The following TANGO6 variants were observed in gnomAD, a reference collection of about 807,000 sequenced individuals.
The protein encoded by TANGO6 is transport and Golgi organization protein 6 homolog.
In TANGO6, 90 loss-of-function variants were observed where a neutral mutation model predicts 114.2. That is an observed-to-expected ratio of 0.79 (90% CI 0.66 to 0.94). The LOEUF is 0.94. Among genes scored for constraint, TANGO6 ranks in the 40% least tolerant of loss-of-function variants. The pLI, the probability that TANGO6 is intolerant of heterozygous loss-of-function variation, is 0.00. For missense variants in TANGO6, 1,274 were observed against 1,315.3 expected, an observed-to-expected ratio of 0.97 and a Z score of 0.49; for synonymous variants, 477 against 509.8, an observed-to-expected ratio of 0.94 and a Z score of 0.87.
chr16:68,983,754 CCGGGCG>C (rs776847626), intron 15 of TANGO6, among the ~76,000 whole-genome samples: 1 of 152,152 alleles, frequency 6.6e-6, no homozygotes, highest in Non-Finnish European at 1.5e-5. Flanking sequence ...TTTTGTAGGG[CCGGGCG>C]CGGTGGCTCA....
intron 16 of TANGO6, among the ~76,000 whole-genome samples, chr16:69,038,323 A>G (rs1284282784): frequency 1.3e-5 from 2 of 152,076 alleles, no homozygotes; most frequent in African/African-American, 2.4e-5. Flanking sequence ...CTACCCACTC[A>G]GGAGACTGAG....
chr16:68,948,211 G>A (rs2152204392), intron 14 of TANGO6: 1 of 152,230 alleles, frequency 6.6e-6, no homozygotes, highest in Non-Finnish European at 1.5e-5. Context: ...GTACTTACAT[G>A]TAAGTAAAAG....
intron 17 of TANGO6, among the ~76,000 whole-genome samples, chr16:69,063,250 G>A (rs2152240776): frequency 6.6e-6 from 1 of 151,374 alleles, no homozygotes; most frequent in East Asian, 1.9e-4. Context: ...CTGGGGCCGG[G>A]CGCGGTGGCT....
In TANGO6 at chr16:68,875,050, A is replaced by G; in HGVS notation, c.995-104A>G. ...GAAAAAAATAAACTATTTTCAATAG[A>G]AAAGATAAATGCATTTTACCTTAAA... On this transcript the variant is annotated intron_variant, in intron 4 of 17. Transcript: ENST00000261778. The G allele has an allele frequency of 8.7e-6, 11 of 1,263,240 alleles. No homozygotes were observed. The South Asian group carries it at 2.1e-4, about 24-fold the overall frequency. 78.3% of individuals were successfully genotyped at this position (1,263,240 alleles called of 1,614,324 possible). A position where few individuals can be genotyped will look rare whatever the true frequency, so the allele number is the denominator to read the frequency against.
intron 7 of TANGO6, among the ~76,000 whole-genome samples, chr16:68,894,470 TAGG>T (rs1225935135): frequency 3.3e-5 from 5 of 151,902 alleles, no homozygotes; most frequent in Non-Finnish European, 7.4e-5. Flanking sequence ...GCTGTATAAG[TAGG>T]AGGAAGGGGA....
chr16:69,081,952 C>A (rs1425118881), intron 17 of TANGO6, among the ~76,000 whole-genome samples: 1 of 150,706 alleles, frequency 6.6e-6, no homozygotes, highest in Non-Finnish European at 1.5e-5. Context: ...TCCAGCCTCG[C>A]CCTCTGAGTA....
rs989305528 is a variant in TANGO6 at position 68,987,316 on chromosome 16, G to A, written c.2842+13148G>A. 2.0e-5 allele frequency among the ~76,000 whole-genome samples: 3 copies of A among 152,098 alleles called. No homozygotes were observed. In the South Asian group the frequency reaches 6.2e-4, roughly 32 times the overall value. On this transcript the variant is annotated intron_variant, in intron 15 of 17. Transcript: ENST00000261778. Reference sequence around the variant, plus strand: ...TGATATTCACCAAAGTGGAATTACTGGGTCATAGGCTATTTAAATTTTAAA... The same window carrying A: ...TGATATTCACCAAAGTGGAATTACTAGGTCATAGGCTATTTAAATTTTAAA...
At chr16:68,988,419 T>A (rs1384787351) in intron 15 of TANGO6, among the ~76,000 whole-genome samples, 2 of 152,228 alleles carry the variant, frequency 1.3e-5, no homozygotes, top group African/African-American at 2.4e-5. Context: ...CTAACAGATC[T>A]CTCAAGTTTG....
chr16:68,980,427 ATATATATAT>A (rs1483557703), intron 15 of TANGO6, among the ~76,000 whole-genome samples: 3 of 54,646 alleles, frequency 5.5e-5, no homozygotes, highest in African/African-American at 1.6e-4. Flanking sequence ...ATATATATAT[ATATATATAT>A]TTTTTTTTTT....
chr16:68,846,450 G>C (rs1332272285), intron 1 of TANGO6: 2 of 288,248 alleles, frequency 6.9e-6, no homozygotes, highest in Non-Finnish European at 1.3e-5. Flanking sequence ...AAAGGGAGGA[G>C]AGTTCAATCA....
rs565660238 is a variant in TANGO6 at position 68,977,764 on chromosome 16, C to G, written c.2842+3596C>G. Among the ~76,000 whole-genome samples, 76 of 151,604 alleles carry G rather than the reference C, an allele frequency of 5.0e-4. 3 individuals carry two copies. In the South Asian group the frequency reaches 0.016, roughly 31 times the overall value. On this transcript the variant is annotated intron_variant, in intron 15 of 17. Coordinates refer to ENST00000261778, the MANE Select transcript of TANGO6 (RefSeq NM_024562.2). The stretch of plus-strand genomic sequence containing the variant: ...CCAGTGGTGCCATCTTAGCTCACTG[C>G]AGCCTCTGCCTCCTGGGTTCAAGCG...
chr16:69,043,631 G>A (rs1427191938), intron 17 of TANGO6, among the ~76,000 whole-genome samples: 1 of 152,186 alleles, frequency 6.6e-6, no homozygotes, highest in East Asian at 1.9e-4. Flanking sequence ...GACCAGGTGT[G>A]TTAAATCTTG....
chr16:68,894,207 A>G (rs1258765976), intron 7 of TANGO6, among the ~76,000 whole-genome samples: 1 of 152,206 alleles, frequency 6.6e-6, no homozygotes, highest in East Asian at 1.9e-4. Flanking sequence ...ATTTCCCTGA[A>G]TAGGTTACCA....
intron 1 of TANGO6, among the ~76,000 whole-genome samples, chr16:68,848,497 G>T (rs894265133): frequency 2.7e-5 from 4 of 150,854 alleles, no homozygotes; most frequent in Non-Finnish European, 5.9e-5. Context: ...ATAACTTCTA[G>T]TGCAGAGACA....
chr16:69,029,463 A>G (rs1160817288), intron 16 of TANGO6, among the ~76,000 whole-genome samples: 1 of 152,226 alleles, frequency 6.6e-6, no homozygotes, highest in Non-Finnish European at 1.5e-5. Context: ...CCGGACACCT[A>G]AGACATATCA....
intron 13 of TANGO6, among the ~76,000 whole-genome samples, chr16:68,928,544 C>T (rs531508402): frequency 6.6e-6 from 1 of 152,154 alleles, no homozygotes; most frequent in Admixed American, 6.5e-5. Context: ...TCGTGATCCA[C>T]CTGCCTCGGC....
intron 17 of TANGO6, among the ~76,000 whole-genome samples, chr16:69,055,431 T>G (rs1960018459): frequency 6.6e-6 from 1 of 152,220 alleles, no homozygotes; most frequent in Non-Finnish European, 1.5e-5. Context: ...TAACCACTGA[T>G]GGTGGCCCAG....
intron 1 of TANGO6, among the ~76,000 whole-genome samples, chr16:68,859,068 G>A (rs191992212): frequency 6.6e-6 from 1 of 152,276 alleles, no homozygotes; most frequent in African/African-American, 2.4e-5. Flanking sequence ...GGGGGGAAAC[G>A]ATGTGGTTAA....
intron 15 of TANGO6, among the ~76,000 whole-genome samples, chr16:68,978,194 G>A (rs1037066975): frequency 6.6e-6 from 1 of 152,124 alleles, no homozygotes; most frequent in Admixed American, 6.5e-5. Context: ...AACGTAACAT[G>A]TATTTTCTCT....
Sources: allele counts gnomAD v4.1 joint callset (sites outside exome capture counted in the v4.1 genomes callset), GRCh38; gene constraint gnomAD v4.1.1; transcripts MANE v1.5; gene names NCBI Gene and HGNC (gene_info 2026-07-23, HGNC 2026-07-21).